The following IL1R2 variants were observed in gnomAD, a reference collection of about 807,000 sequenced individuals.
IL1R2 encodes the protein interleukin 1 receptor type 2, also known as interleukin-1 receptor type 2.
A neutral mutation model predicts 39.5 loss-of-function variants in IL1R2; 46 were observed. The ratio of observed to expected loss-of-function variants is 1.16; its 90% CI spans 0.92 to 1.49. IL1R2 has a LOEUF of 1.49. Ranked by LOEUF, IL1R2 falls within the 40% of genes most tolerant of loss-of-function variation. The probability of loss-of-function intolerance (pLI) is 0.00; values close to 1 mark genes in which losing one functional copy is unlikely to be tolerated. For synonymous variants in IL1R2, 207 were observed against 189.6 expected (o/e 1.09, Z -0.75); for missense variants, 537 against 502.0 (o/e 1.07, Z -0.67).
intron 6 of IL1R2, 74 bp downstream of exon 6, chr2:102,022,323 C>A: frequency 1.6e-6 from 2 of 1,268,722 alleles, no homozygotes; most frequent in South Asian, 1.2e-5. Flanking sequence ...GGGCTTGGGA[C>A]CCTTGCGTCT....
intron 1 of IL1R2, chr2:102,002,016 T>G (rs1675887688): frequency 6.6e-6 from 1 of 152,174 alleles, no homozygotes; most frequent in African/African-American, 2.4e-5. Flanking sequence ...CCTAAAAACT[T>G]CTGGGAACAA....
chr2:101,992,167 C>G (rs966107454), intron 1 of IL1R2, 156 bp downstream of exon 1: 1 of 140,672 alleles, frequency 7.1e-6, no homozygotes, highest in Admixed American at 7.0e-5. Context: ...GGGGGGAAGG[C>G]AGAGAGAAGA....
At chr2:102,008,299 G>A (rs28385676) in intron 1 of IL1R2, among the ~76,000 whole-genome samples, 2,706 of 152,352 alleles carry the variant, frequency 0.018, 67 homozygotes, top group Middle Eastern at 0.024. Context: ...TGCCAAGCAC[G>A]CCTCTAGGTG....
intron 1 of IL1R2, among the ~76,000 whole-genome samples, chr2:102,004,384 C>T (rs554245603): frequency 6.6e-6 from 1 of 151,736 alleles, no homozygotes; most frequent in African/African-American, 2.4e-5. Context: ...ATTCTTTTTC[C>T]TTCCTTTCAC....
At chr2:102,009,959 T>C in intron 3 of IL1R2, 133 bp downstream of exon 3, 1 of 1,054,548 alleles carries the variant, frequency 9.5e-7, no homozygotes, top group South Asian at 1.5e-5. Context: ...TGCATCCCGT[T>C]TGCTGTTCCT....
At position 102,028,453 on chromosome 2, in the gene IL1R2, T is replaced by C; in HGVS notation, c.*61T>C. The C allele has an allele frequency of 7.1e-7, 1 of 1,415,160 alleles. No individual in the cohort carries two copies. Among genetic ancestry groups the C allele is most frequent in the Admixed American group, 2.1e-5 (1 of 46,532 alleles). The allele number at this position is 1,415,160 out of a possible 1,614,324, so 87.7% of individuals were successfully genotyped here. A position where few individuals can be genotyped will look rare whatever the true frequency, so the allele number is the denominator to read the frequency against. ...GTACGTCTTCTCTTATGGAAGTGGC[T>C]GTGTCTTTTTGAGGGACTCTGTTCT... On this transcript the variant is annotated 3_prime_UTR_variant, in exon 9 of 9. Transcript: ENST00000332549.
Position 102,028,313 on chromosome 2 carries a change from G to T in IL1R2, c.1118G>T (p.Cys373Phe). 6.2e-7 allele frequency: 1 copy of T among 1,612,360 alleles called. No homozygotes were observed. Among genetic ancestry groups the T allele is most frequent in the Admixed American group, 1.7e-5 (1 of 59,618 alleles). ...GGGGGAATATGGATGCACAGACGGT[G>T]CAAACACAGAACTGGAAAAGCAGAT... Reference protein sequence around the residue: ...VLGGIWMHRRCKHRTGKADGL... With the variant: ...VLGGIWMHRRFKHRTGKADGL... The change falls in exon 9 of 9, where the codon TGC becomes TTC. Residue 373 changes from cysteine (C) to phenylalanine (F), a missense_variant. Cys to Phe is a radical substitution (Grantham distance 205). Coordinates refer to ENST00000332549, the MANE Select transcript of IL1R2 (RefSeq NM_004633.4).
At position 102,024,549 on chromosome 2, in the gene IL1R2, C is replaced by CCCG. The variant is rs1397598980; in HGVS notation, c.769_771dup (p.Pro257dup). ...CATCCACAGGGTCAAGACTGACAATCCCGTGTAAGGTGTTTCTGGGAACCG... is the reference window on the plus strand; with the variant it reads ...CATCCACAGGGTCAAGACTGACAATCCCGCCGTGTAAGGTGTTTCTGGGAACCG... On this transcript the variant is annotated inframe_insertion, in exon 7 of 9. Transcript: ENST00000332549. 3 of 1,614,004 alleles carry CCCG rather than the reference C, an allele frequency of 1.9e-6. No homozygotes were observed. The South Asian group carries it at 3.3e-5, about 18-fold the overall frequency.
At chr2:102,026,841 C>T (rs1677773129) in intron 8 of IL1R2, among the ~76,000 whole-genome samples, 1 of 152,184 alleles carries the variant, frequency 6.6e-6, no homozygotes, top group Non-Finnish European at 1.5e-5. Flanking sequence ...GGGAGAGCTG[C>T]CTTGAATGTA....
At position 102,019,808 on chromosome 2, in the gene IL1R2, CAA is replaced by C; in HGVS notation, c.685_686del (p.Lys229GlufsTer30). The C allele has an allele frequency of 6.2e-7, 1 of 1,613,118 alleles. No individual in the cohort carries two copies. Among genetic ancestry groups the C allele is most frequent in the Non-Finnish European group, 8.5e-7 (1 of 1,179,500 alleles). ...NITRSIELRI[K>X]KKKEETIPVI... ...TCACTAGGAGTATTGAGCTACGCATCAAGAGTAAGTACTTGCCATTGAGGCAC... is the reference window on the plus strand; with the variant it reads ...TCACTAGGAGTATTGAGCTACGCATCGAGTAAGTACTTGCCATTGAGGCAC... On this transcript the variant is annotated frameshift_variant and splice_region_variant, in exon 5 of 9. Coordinates refer to ENST00000332549, the MANE Select transcript of IL1R2 (RefSeq NM_004633.4). LOFTEE classifies it high-confidence loss of function.
At chr2:101,992,290 C>CAGAGACAG (rs1553612244) in intron 1 of IL1R2, among the ~76,000 whole-genome samples, 1 of 136,492 alleles carries the variant, frequency 7.3e-6, no homozygotes, top group African/African-American at 2.6e-5. Context: ...GGCAGAGAGA[C>CAGAGACAG]AGAGACAGAG....
intron 4 of IL1R2, among the ~76,000 whole-genome samples, chr2:102,017,002 A>G (rs181366510): frequency 6.6e-5 from 10 of 152,372 alleles, no homozygotes; most frequent in Middle Eastern, 6.8e-3. Context: ...GACAGAGTAC[A>G]TAACAGCTGA....
At chr2:101,995,055 A>G (rs1404319839) in intron 1 of IL1R2, among the ~76,000 whole-genome samples, 1 of 152,224 alleles carries the variant, frequency 6.6e-6, no homozygotes, top group Non-Finnish European at 1.5e-5. Context: ...GAACATCACT[A>G]CCATGATTAA....
intron 6 of IL1R2, chr2:102,023,537 C>G (rs2236922): frequency 0.24 from 37,248 of 152,062 alleles, 5,750 homozygotes; most frequent in African/African-American, 0.44. Context: ...GGATGGAGAA[C>G]GGCTGGCATT....
intron 1 of IL1R2, among the ~76,000 whole-genome samples, chr2:101,992,230 C>A (rs553413504): frequency 1.4e-5 from 2 of 147,512 alleles, no homozygotes; most frequent in African/African-American, 5.0e-5. Context: ...GAAACAGAGA[C>A]AGAAAGAGGC....
chr2:102,003,084 G>GTGTCTGTGTCTA (rs1390310575), intron 1 of IL1R2, among the ~76,000 whole-genome samples: 1 of 114,016 alleles, frequency 8.8e-6, no homozygotes, highest in African/African-American at 2.7e-5. Flanking sequence ...GGCTGTGTCC[G>GTGTCTGTGTCTA]TGTCTGTGTC....
intron 8 of IL1R2, among the ~76,000 whole-genome samples, chr2:102,027,879 A>G (rs1010389415): frequency 6.6e-6 from 1 of 152,164 alleles, no homozygotes. Context: ...AAAAGGGCAG[A>G]TTGTTCCTGG....
chr2:102,018,325 C>G (rs1045693043), intron 4 of IL1R2, among the ~76,000 whole-genome samples: 3 of 152,238 alleles, frequency 2.0e-5, no homozygotes, highest in African/African-American at 7.2e-5. Context: ...GCTCTGGCGT[C>G]AATGGGTCTG....
Position 102,028,271 on chromosome 2 carries a change from T to C in IL1R2, c.1076T>C (p.Leu359Pro). The C allele has an allele frequency of 6.2e-7, 1 of 1,612,668 alleles. No individual in the cohort carries two copies. Among genetic ancestry groups the C allele is most frequent in the South Asian group, 1.1e-5 (1 of 90,514 alleles). Residue 359 changes from leucine to proline, a missense_variant, in exon 9 of 9, where the codon CTG (leucine) becomes CCG (proline). Physicochemically the swap from Leu to Pro is moderately conservative, Grantham distance 98. Coordinates refer to ENST00000332549, the MANE Select transcript of IL1R2 (RefSeq NM_004633.4). Reference protein sequence around the residue: ...SWGIVLAPLSLAFLVLGGIWM... With the variant: ...SWGIVLAPLSPAFLVLGGIWM... Reference sequence around the variant, plus strand: ...GGCATTGTGCTGGCCCCACTTTCACTGGCCTTCTTGGTTTTGGGGGGAATA... The same window carrying C: ...GGCATTGTGCTGGCCCCACTTTCACCGGCCTTCTTGGTTTTGGGGGGAATA...
Sources: gnomAD v4.1 joint callset for allele counts (sites outside exome capture counted in the v4.1 genomes callset) on GRCh38, gnomAD v4.1.1 for gene constraint, MANE v1.5 for transcripts, NCBI Gene and HGNC (gene_info 2026-07-23, HGNC 2026-07-21) for gene names.